TMED9: variants seen among roughly 807,000 people sequenced by gnomAD.
TMED9 encodes transmembrane emp24 domain-containing protein 9.
Under a neutral mutation model 30.6 loss-of-function variants are expected in TMED9, and 22 were observed. That is an observed-to-expected ratio of 0.72 (90% CI 0.51 to 1.03). The LOEUF (loss-of-function observed/expected upper bound fraction) is 1.03, where lower values mean the gene tolerates loss of function less well. Ranked by LOEUF, TMED9 falls within the 50% of genes least tolerant of loss-of-function variation. The pLI, the probability that TMED9 is intolerant of heterozygous loss-of-function variation, is 0.00. For synonymous variants in TMED9, 146 were observed against 122.8 expected, an observed-to-expected ratio of 1.19 and a Z score of -1.25; for missense variants, 251 against 302.1, an observed-to-expected ratio of 0.83 and a Z score of 1.25.
Position 177,593,757 on chromosome 5 carries a change from CTT to C in TMED9, c.395_396del (p.Phe132CysfsTer15), listed in dbSNP as rs779352620. The C allele has an allele frequency of 1.9e-6, 3 of 1,614,096 alleles. No homozygotes were observed. Among genetic ancestry groups the C allele is most frequent in the Non-Finnish European group, 2.5e-6 (3 of 1,180,042 alleles). On this transcript the variant is annotated frameshift_variant, in exon 3 of 5. Transcript: ENST00000332598. LOFTEE classifies it high-confidence loss of function. The part of the protein sequence containing the change: ...LHSNSTKFSL[F>X]AGGMLRVHLD... The stretch of plus-strand genomic sequence containing the variant: ...ACTCCAATTCCACCAAGTTCTCCCT[CTT>C]TGCTGGAGGCATGCTGGTAAGTGGG...
rs554298634 is a variant in TMED9, at chr5:177,592,293, C to G, written c.79C>G (p.Leu27Val). The change falls in exon 1 of 5, where the codon CTG (leucine) becomes GTG (valine). Residue 27 changes from leucine to valine, a missense_variant. Physicochemically the swap from Leu to Val is conservative, Grantham distance 32 (BLOSUM62 1). This residue lies in a region of TMED9 where 98 missense variants were observed against 62.5 expected (regional missense o/e 1.57). Transcript: ENST00000332598. ...GGGTAGAGTGATGCGGACCCTCCTG[C>G]TGGTGCTGTGGCTGGCGACGCGCGG... is the stretch of plus-strand genomic sequence containing the variant. ...GLGRVMRTLL[L>V]VLWLATRGSA... 1.2e-4 allele frequency: 191 copies of G among 1,611,682 alleles called. 1 individual carries two copies. The highest frequency in any genetic ancestry group is 1.6e-4 in the Non-Finnish European group (185 of 1,179,056).
intron 2 of TMED9, 185 bp from the exon 3 acceptor site, chr5:177,593,465 C>T (rs1314188936): frequency 1.5e-6 from 1 of 673,034 alleles, no homozygotes. Context: ...AGTCTAAACA[C>T]CTGCCCCAGA....
rs749777604 is a variant in TMED9, at chr5:177,594,106, C to A, written c.412-33C>A. 25 of 1,612,396 alleles carry A rather than the reference C, an allele frequency of 1.6e-5. No homozygotes were observed. The Admixed American group carries it at 4.0e-4, about 26-fold the overall frequency. ...TGGCAGGAAGATGGAGCAGGGCTAC[C>A]AGATTTCCCTTATCTCCTTTGTCTG... is the stretch of plus-strand genomic sequence containing the variant. On this transcript the variant is annotated intron_variant, in intron 3 of 4. Coordinates refer to ENST00000332598, the MANE Select transcript of TMED9 (RefSeq NM_017510.6).
intron 4 of TMED9, 71 bp downstream of exon 4, chr5:177,594,356 A>T (rs575462015): frequency 1.3e-6 from 2 of 1,558,424 alleles, no homozygotes; most frequent in African/African-American, 2.7e-5. Flanking sequence ...GGAATTTCAC[A>T]TTAAATTCAT....
rs4380682 is a variant in TMED9 at position 177,595,651 on chromosome 5, A to G, written c.*235A>G. ...TGGGCCGTTTGGTAGTAATCACCCAAGGGCTGGTAAAGCCCCTCCTCTTGG... is the reference window on the plus strand; with the variant it reads ...TGGGCCGTTTGGTAGTAATCACCCAGGGGCTGGTAAAGCCCCTCCTCTTGG... On this transcript the variant is annotated 3_prime_UTR_variant, in exon 5 of 5. Coordinates refer to ENST00000332598, the MANE Select transcript of TMED9 (RefSeq NM_017510.6). 290,747 of 292,844 alleles carry G rather than the reference A, an allele frequency of 0.99. 144,362 individuals carry two copies. The highest frequency in any genetic ancestry group is 1 in the East Asian group (15,878 of 15,878). The allele number at this position is 292,844 out of a possible 1,614,324, so 18.1% of individuals were successfully genotyped here. A position where few individuals can be genotyped will look rare whatever the true frequency, so the allele number is the denominator to read the frequency against.
In TMED9 at chr5:177,592,230, G is replaced by C; in HGVS notation, c.16G>C (p.Gly6Arg). The change falls in exon 1 of 5, where the codon GGC (glycine) becomes CGC (arginine). Residue 6 changes from glycine (G) to arginine (R), a missense_variant. By Grantham distance (125) the Gly-to-Arg change is moderately radical (BLOSUM62 -2). This residue lies in a region of TMED9 where 98 missense variants were observed against 62.5 expected (regional missense o/e 1.57). Coordinates refer to ENST00000332598, the MANE Select transcript of TMED9 (RefSeq NM_017510.6). MAVELGVLLVRPRPGT... is the reference protein window; with the variant it reads MAVELRVLLVRPRPGT... ...GTGGAGCAAGATGGCTGTGGAGCTG[G>C]GCGTGCTGCTCGTCCGGCCCCGGCC... 1 of 1,607,334 alleles carries C rather than the reference G, an allele frequency of 6.2e-7. No individual in the cohort carries two copies. Among genetic ancestry groups the C allele is most frequent in the African/African-American group, 1.3e-5 (1 of 74,922 alleles).
intron 2 of TMED9, 175 bp from the exon 3 acceptor site, chr5:177,593,475 A>G: frequency 1.2e-5 from 9 of 750,638 alleles, no homozygotes; most frequent in Non-Finnish European, 1.7e-5. Context: ...CCTGCCCCAG[A>G]GAGTTCTCAC....
At chr5:177,593,508 T>C in intron 2 of TMED9, 142 bp from the exon 3 acceptor site, 2 of 1,052,140 alleles carry the variant, frequency 1.9e-6, no homozygotes, top group Admixed American at 4.2e-5. Context: ...CAACAGCTGC[T>C]GAGCAGCTTT....
rs200902913 is a variant in TMED9, at chr5:177,592,290, C to G, written c.76C>G (p.Leu26Val). The G allele has an allele frequency of 1.9e-6, 3 of 1,611,648 alleles. No homozygotes were observed. Among genetic ancestry groups the G allele is most frequent in the African/African-American group, 2.7e-5 (2 of 74,914 alleles). Residue 26 changes from leucine (L) to valine (V), a missense_variant, in exon 1 of 5, where the codon CTG (leucine) becomes GTG (valine). Coordinates refer to ENST00000332598, the MANE Select transcript of TMED9 (RefSeq NM_017510.6). The stretch of plus-strand genomic sequence containing the variant: ...GCTGGGTAGAGTGATGCGGACCCTC[C>G]TGCTGGTGCTGTGGCTGGCGACGCG... ...TGLGRVMRTL[L>V]LVLWLATRGS...
Position 177,594,155 on chromosome 5 carries a change from T to C in TMED9, c.428T>C (p.Ile143Thr). 6.2e-7 allele frequency: 1 copy of C among 1,614,178 alleles called. No individual in the cohort carries two copies. Among genetic ancestry groups the C allele is most frequent in the Non-Finnish European group, 8.5e-7 (1 of 1,180,022 alleles). ...TGTCCTCAGAGAGTTCACCTGGACA[T>C]CCAGGTAGGTGAACATGCCAATGAC... ...AGGMLRVHLD[I>T]QVGEHANDYA... Residue 143 changes from isoleucine to threonine, a missense_variant, in exon 4 of 5, where the codon ATC (isoleucine) becomes ACC (threonine). Physicochemically the swap from Ile to Thr is moderately conservative, Grantham distance 89. Around this residue, in one of 2 missense-constraint regions of TMED9, gnomAD observed 153 missense variants for 239.6 expected, o/e 0.64. Transcript: ENST00000332598.
rs1767668691 is a variant in TMED9, at chr5:177,595,355, C to A, written c.647C>A (p.Ala216Asp). 1 of 1,612,982 alleles carries A rather than the reference C, an allele frequency of 6.2e-7. No individual in the cohort carries two copies. Among genetic ancestry groups the A allele is most frequent in the Non-Finnish European group, 8.5e-7 (1 of 1,179,324 alleles). The change falls in exon 5 of 5, where the codon GCC becomes GAC. Residue 216 changes from alanine to aspartate, a missense_variant. Transcript: ENST00000332598. Reference sequence around the variant, plus strand: ...ATTCTGCAGACCCTCATCCTCGTGGCCATCGGTGTCTGGCAGATGCGGCAC... The same window carrying A: ...ATTCTGCAGACCCTCATCCTCGTGGACATCGGTGTCTGGCAGATGCGGCAC... ...WSILQTLILVAIGVWQMRHLK... is the reference protein window; with the variant it reads ...WSILQTLILVDIGVWQMRHLK...
In TMED9 at chr5:177,595,463, A is replaced by G; in HGVS notation, c.*47A>G. ...ATCCTCCCAGGCTGGGGGAGAAAGGACCTCCTGGAACTGACTTCTTCTGTC... is the reference window on the plus strand; with the variant it reads ...ATCCTCCCAGGCTGGGGGAGAAAGGGCCTCCTGGAACTGACTTCTTCTGTC... On this transcript the variant is annotated 3_prime_UTR_variant, in exon 5 of 5. Coordinates refer to ENST00000332598, the MANE Select transcript of TMED9 (RefSeq NM_017510.6). 1 of 1,553,220 alleles carries G rather than the reference A, an allele frequency of 6.4e-7. No individual in the cohort carries two copies. Among genetic ancestry groups the G allele is most frequent in the Non-Finnish European group, 8.8e-7 (1 of 1,142,090 alleles).
Position 177,594,273 on chromosome 5 carries a change from G to T in TMED9, c.546G>T (p.Gln182His), listed in dbSNP as rs1055748771. The T allele has an allele frequency of 6.2e-7, 1 of 1,613,994 alleles. No homozygotes were observed. Among genetic ancestry groups the T allele is most frequent in the Non-Finnish European group, 8.5e-7 (1 of 1,180,010 alleles). Residue 182 changes from glutamine to histidine, a missense_variant, in exon 4 of 5, where the codon CAG becomes CAT. Coordinates refer to ENST00000332598, the MANE Select transcript of TMED9 (RefSeq NM_017510.6). ...AAGTGGAGCAGATCCAGAAAGAGCA[G>T]AACTACCAGCGGGTGAGTGACTGGG... ...VEQVEQIQKE[Q>H]NYQRWREERF...
intron 2 of TMED9, among the ~76,000 whole-genome samples, chr5:177,592,987 C>T (rs1166511324): frequency 6.6e-6 from 1 of 152,092 alleles, no homozygotes; most frequent in Non-Finnish European, 1.5e-5. Flanking sequence ...AACCCTTCAG[C>T]TCTCACCTTC....
chr5:177,596,813 C>A lies in TMED9; in HGVS notation c.*1397C>A, dbSNP rs1767698471. On this transcript the variant is annotated 3_prime_UTR_variant, in exon 5 of 5. Transcript: ENST00000332598. The stretch of plus-strand genomic sequence containing the variant: ...GAGCAGGTGGTGGGGTAAATGCCTG[C>A]CCCCCTCCCTCTGGCCTCTGGGCCC... 6.6e-6 allele frequency among the ~76,000 whole-genome samples: 1 copy of A among 152,086 alleles called. No homozygotes were observed. The highest frequency in any genetic ancestry group is 2.4e-5 in the African/African-American group (1 of 41,418).
intron 2 of TMED9, 40 bp downstream of exon 2, chr5:177,592,715 C>T: frequency 6.9e-7 from 1 of 1,445,012 alleles, no homozygotes; most frequent in Admixed American, 1.9e-5. Flanking sequence ...AGCCTCTCAG[C>T]TAGGCGGGCT....
At position 177,595,518 on chromosome 5, in the gene TMED9, C is replaced by T; in HGVS notation, c.*102C>T. 1 of 1,439,624 alleles carries T rather than the reference C, an allele frequency of 6.9e-7. No individual in the cohort carries two copies. The highest frequency in any genetic ancestry group is 9.4e-7 in the Non-Finnish European group (1 of 1,065,154). The allele number at this position is 1,439,624 out of a possible 1,614,324, so 89.2% of individuals were successfully genotyped here. The stretch of plus-strand genomic sequence containing the variant: ...GGACTGGTTTCCAGCCATACCTGTT[C>T]TGGAAGGGAGAGGGGCTGGAGGCAC... On this transcript the variant is annotated 3_prime_UTR_variant, in exon 5 of 5. Transcript: ENST00000332598.
At chr5:177,592,771 A>G (rs536585440) in intron 2 of TMED9, 96 bp downstream of exon 2, 2 of 872,074 alleles carry the variant, frequency 2.3e-6, no homozygotes, top group African/African-American at 1.7e-5. Context: ...AGTGGGAGAG[A>G]CAGTTGATGT....
rs754428350 is a variant in TMED9 at position 177,592,204 on chromosome 5, G to A, written c.-11G>A. 122 of 1,585,610 alleles carry A rather than the reference G, an allele frequency of 7.7e-5. No homozygotes were observed. The highest frequency in any genetic ancestry group is 1.0e-4 in the Non-Finnish European group (120 of 1,168,620). ...GCGGCCGGCTGCGGCTGCGCAGGCA[G>A]GTGGAGCAAGATGGCTGTGGAGCTG... is the stretch of plus-strand genomic sequence containing the variant. On this transcript the variant is annotated 5_prime_UTR_variant, in exon 1 of 5. Coordinates refer to ENST00000332598, the MANE Select transcript of TMED9 (RefSeq NM_017510.6).
Sources: allele counts gnomAD v4.1 joint callset (sites outside exome capture counted in the v4.1 genomes callset), GRCh38; gene constraint gnomAD v4.1.1; regional missense constraint gnomAD v4.1.1; transcripts MANE v1.5; gene names NCBI Gene and HGNC (gene_info 2026-07-23, HGNC 2026-07-21).